The following EIF4E3 variants were observed in gnomAD, a reference collection of about 807,000 sequenced individuals.
EIF4E3 encodes eukaryotic translation initiation factor 4E type 3.
EIF4E3 carries 26 observed loss-of-function variants against 31.7 expected under a neutral mutation model. The ratio of observed to expected loss-of-function variants is 0.82; its 90% confidence interval spans 0.60 to 1.14. EIF4E3 has a LOEUF of 1.14. Ranked by LOEUF, EIF4E3 falls within the 50% of genes most tolerant of loss-of-function variation. The pLI is 0.00. For missense variants in EIF4E3, 304 were observed against 270.9 expected (o/e 1.12, Z -0.86); for synonymous variants, 128 against 107.7 (o/e 1.19, Z -1.17).
At chr3:71,745,411 C>T (rs2049861590) in intron 1 of EIF4E3, among the ~76,000 whole-genome samples, 1 of 152,094 alleles carries the variant, frequency 6.6e-6, no homozygotes. Flanking sequence ...CTTACAGGAA[C>T]TTAAAGATGT....
chr3:71,732,359 G>A (rs1292290149), intron 1 of EIF4E3, among the ~76,000 whole-genome samples: 1 of 151,842 alleles, frequency 6.6e-6, no homozygotes. Flanking sequence ...GCTGGGCAGT[G>A]CCCAAACTAC....
chr3:71,688,641 T>C (rs2049023090), intron 6 of EIF4E3, among the ~76,000 whole-genome samples: 1 of 152,142 alleles, frequency 6.6e-6, no homozygotes, highest in Non-Finnish European at 1.5e-5. Context: ...GCCAATGAAA[T>C]ACACTTCCGT....
chr3:71,693,951 GA>G lies in EIF4E3; in HGVS notation c.406-11del. On this transcript the variant is annotated splice_polypyrimidine_tract_variant and intron_variant, in intron 4 of 6. Transcript: ENST00000425534. ...CTTTCCAAACTGTGGACTGATATGG[GA>G]AAAGAATAAAAAACAAAACAAACAA... The G allele has an allele frequency of 6.4e-7, 1 of 1,565,228 alleles. No individual in the cohort carries two copies.
chr3:71,669,946 A>T, the EIF4E3 span, among the ~76,000 whole-genome samples: 6 of 152,370 alleles, frequency 3.9e-5, no homozygotes, highest in African/African-American at 9.6e-5. Flanking sequence ...CATAAACACA[A>T]GAGGCATAAA....
At chr3:71,754,568 G>A, upstream of EIF4E3, 1 of 1,397,960 alleles carries the variant, frequency 7.2e-7, no homozygotes, top group Non-Finnish European at 9.3e-7. The surrounding 1 kb of genome is among the most constrained non-coding windows in gnomAD (Gnocchi z 5.8). Flanking sequence ...CGTGCGCCCT[G>A]GAGCAGCGGC....
chr3:71,753,817 T>C (rs538719982), upstream of EIF4E3, among the ~76,000 whole-genome samples: 2,485 of 147,202 alleles, frequency 0.017, 66 homozygotes, highest in African/African-American at 0.058. Flanking sequence ...CCGCGGCGCC[T>C]AGGGCGCAGG....
chr3:71,735,411 AC>A (rs1382747384), intron 1 of EIF4E3, among the ~76,000 whole-genome samples: 1 of 152,162 alleles, frequency 6.6e-6, no homozygotes, highest in African/African-American at 2.4e-5. Context: ...ATAATATAAT[AC>A]CTCCATCTAT....
chr3:71,724,913 G>C (rs2049607626), intron 1 of EIF4E3, among the ~76,000 whole-genome samples: 2 of 152,148 alleles, frequency 1.3e-5, no homozygotes, highest in South Asian at 2.1e-4. Flanking sequence ...CGTTCCGATC[G>C]GAAGGGAACA....
intron 1 of EIF4E3, among the ~76,000 whole-genome samples, chr3:71,721,585 G>A (rs373967491): frequency 7.2e-5 from 11 of 152,166 alleles, no homozygotes; most frequent in Middle Eastern, 3.4e-3. Flanking sequence ...TGCTGTTTTC[G>A]TAATAGTGAG....
chr3:71,723,194 G>C (rs746201522), intron 1 of EIF4E3, among the ~76,000 whole-genome samples: 2 of 152,090 alleles, frequency 1.3e-5, no homozygotes, highest in Non-Finnish European at 2.9e-5. Context: ...TGTTTACCTG[G>C]GGAGAAAAGT....
chr3:71,740,744 A>C (rs549430148), intron 1 of EIF4E3, among the ~76,000 whole-genome samples: 1 of 152,324 alleles, frequency 6.6e-6, no homozygotes, highest in East Asian at 1.9e-4. Flanking sequence ...AAAAACAACA[A>C]AACGAAACAA....
chr3:71,723,025 G>A (rs1358587717), intron 1 of EIF4E3, among the ~76,000 whole-genome samples: 12 of 152,302 alleles, frequency 7.9e-5, no homozygotes, highest in South Asian at 2.1e-4. Context: ...AGGACAGGCC[G>A]GGAGGTAGGA....
intron 1 of EIF4E3, among the ~76,000 whole-genome samples, chr3:71,718,511 G>A (rs1161144624): frequency 2.7e-4 from 41 of 152,152 alleles, no homozygotes; most frequent in Admixed American, 2.6e-3. Context: ...AATCCCTTCA[G>A]TACATGGAGG....
At chr3:71,663,733 C>T in the EIF4E3 span, among the ~76,000 whole-genome samples, 35 of 152,224 alleles carry the variant, frequency 2.3e-4, no homozygotes, top group Admixed American at 3.9e-4. Flanking sequence ...TGTGGTTCGC[C>T]GCTCATGCCT....
chr3:71,660,243 GA>G, the EIF4E3 span, among the ~76,000 whole-genome samples: 16 of 151,704 alleles, frequency 1.1e-4, no homozygotes, highest in African/African-American at 2.4e-4. Context: ...CGGCTGGAGG[GA>G]AAAAAAATTC....
chr3:71,671,047 A>ATC (rs2048844826), downstream of EIF4E3, among the ~76,000 whole-genome samples: 1 of 152,146 alleles, frequency 6.6e-6, no homozygotes, highest in Non-Finnish European at 1.5e-5. Context: ...CCTTCAACTC[A>ATC]TCTAACAGCT....
chr3:71,751,050 C>T (rs2049923768), intron 1 of EIF4E3, among the ~76,000 whole-genome samples: 1 of 152,076 alleles, frequency 6.6e-6, no homozygotes, highest in Non-Finnish European at 1.5e-5. Context: ...GTGTGAGCCA[C>T]CGCATCCGGC....
At position 71,683,376 on chromosome 3, in the gene EIF4E3, T is replaced by TCCAAAG. The variant is rs1218677111; in HGVS notation, c.*1300_*1305dup. The TCCAAAG allele has an allele frequency of 6.6e-6, 1 of 152,168 alleles. No homozygotes were observed. Among genetic ancestry groups the TCCAAAG allele is most frequent in the Non-Finnish European group, 1.5e-5 (1 of 68,044 alleles). 9.4% of individuals were successfully genotyped at this position (152,168 alleles called of 1,614,324 possible). A position where few individuals can be genotyped will look rare whatever the true frequency, so the allele number is the denominator to read the frequency against. On this transcript the variant is annotated 3_prime_UTR_variant, in exon 7 of 7. Transcript: ENST00000425534. ...GTGAGCAGGCACTAGCTCCCGTGAC[T>TCCAAAG]CCAAAGCCGACTGGGGGAAGTGTCT...
Position 71,690,140 on chromosome 3 carries a change from G to C in EIF4E3, c.498C>G (p.Val166=). ...CGACGTCTTCTCGGTCCCGAACACT[G>C]ACACTAACTCCTATTACTTCATCAT... ...AADDEVIGVS[V]SVRDREDVVQ... is the part of the protein sequence containing the mutation. Residue 166 remains valine (V), a synonymous_variant, in exon 6 of 7, where the codon GTC becomes GTG. Coordinates refer to ENST00000425534, the MANE Select transcript of EIF4E3 (RefSeq NM_001134651.2). The C allele has an allele frequency of 6.2e-7, 1 of 1,611,854 alleles. No homozygotes were observed. The highest frequency in any genetic ancestry group is 8.5e-7 in the Non-Finnish European group (1 of 1,179,322).
Sources: allele counts gnomAD v4.1 joint callset (sites outside exome capture counted in the v4.1 genomes callset), GRCh38; gene constraint gnomAD v4.1.1; non-coding constraint Gnocchi (gnomAD v3.1); transcripts MANE v1.5; gene names NCBI Gene and HGNC (gene_info 2026-07-23, HGNC 2026-07-21).